DDX18: variants seen among roughly 807,000 people sequenced by gnomAD.
DDX18 encodes DEAD-box helicase 18.
A neutral mutation model predicts 73.5 loss-of-function variants in DDX18; 23 were observed. The observed-to-expected ratio is 0.31, with a 90% CI of 0.23 to 0.44. DDX18 has a LOEUF of 0.44. Among genes scored for constraint, DDX18 ranks in the 20% least tolerant of loss-of-function variants. DDX18 has a pLI of 1.00. For synonymous variants in DDX18, 268 were observed against 282.7 expected (o/e 0.95, Z 0.52); for missense variants, 753 against 792.9 (o/e 0.95, Z 0.60).
rs1680027203 is a variant in DDX18 at position 117,831,640 on chromosome 2, T to G, written c.*916T>G. 1 of 152,208 alleles carries G rather than the reference T, an allele frequency of 6.6e-6. No homozygotes were observed. The highest frequency in any genetic ancestry group is 1.5e-5 in the Non-Finnish European group (1 of 68,038). The allele number at this position is 152,208 out of a possible 1,614,324, so 9.4% of individuals were successfully genotyped here. A position where few individuals can be genotyped will look rare whatever the true frequency, so the allele number is the denominator to read the frequency against. Reference sequence around the variant, plus strand: ...AACTTACTTGGAGTTAGAGCCAAGCTGTCAGACGGTGCCCAGCACACATTA... The same window carrying G: ...AACTTACTTGGAGTTAGAGCCAAGCGGTCAGACGGTGCCCAGCACACATTA... On this transcript the variant is annotated 3_prime_UTR_variant, in exon 14 of 14. Coordinates refer to ENST00000263239, the MANE Select transcript of DDX18 (RefSeq NM_006773.4).
At chr2:117,830,219 G>A (rs956698957) in intron 13 of DDX18, among the ~76,000 whole-genome samples, 2 of 152,158 alleles carry the variant, frequency 1.3e-5, no homozygotes, top group Admixed American at 6.5e-5. Flanking sequence ...AATCAATTCC[G>A]AAGAGAAATG....
chr2:117,830,670 A>G lies in DDX18; in HGVS notation c.1959A>G (p.Lys653=). 1.2e-6 allele frequency: 2 copies of G among 1,613,842 alleles called. No homozygotes were observed. Among genetic ancestry groups the G allele is most frequent in the Middle Eastern group, 1.7e-4 (1 of 6,056 alleles). ...YQKTKKVEKS[K]IFKHISKKSS... is the part of the protein sequence containing the mutation. ...AAACCAAGAAAGTTGAGAAATCCAA[A>G]ATCTTTAAACACATTAGCAAGAAAT... The change falls in exon 14 of 14, where the codon AAA becomes AAG. Residue 653 remains lysine (K), a synonymous_variant. Transcript: ENST00000263239.
chr2:117,825,597 A>C lies in DDX18; in HGVS notation c.1519A>C (p.Lys507Gln). 6.2e-7 allele frequency: 1 copy of C among 1,612,158 alleles called. No individual in the cohort carries two copies. Among genetic ancestry groups the C allele is most frequent in the Non-Finnish European group, 8.5e-7 (1 of 1,179,256 alleles). Reference sequence around the variant, plus strand: ...TCAGTATGACCCTCCGGATGACCCTAAGGTAACTGGCATCTTTGGAATATC... The same window carrying C: ...TCAGTATGACCCTCCGGATGACCCTCAGGTAACTGGCATCTTTGGAATATC... ...IVQYDPPDDP[K>Q]EYIHRVGRTA... The change falls in exon 10 of 14, where the codon AAG (lysine) becomes CAG (glutamine). Residue 507 changes from lysine to glutamine, a missense_variant and splice_region_variant. Physicochemically the swap from Lys to Gln is moderately conservative, Grantham distance 53. This residue lies in a region of DDX18 where 402 missense variants were observed against 419.4 expected (regional missense o/e 0.96). Coordinates refer to ENST00000263239, the MANE Select transcript of DDX18 (RefSeq NM_006773.4).
intron 7 of DDX18, 73 bp downstream of exon 7, chr2:117,822,334 A>G: frequency 2.5e-6 from 3 of 1,209,752 alleles, no homozygotes; most frequent in Non-Finnish European, 3.6e-6. Flanking sequence ...CCTATAGAAA[A>G]ACTGTACTAA....
Position 117,817,659 on chromosome 2 carries a change from C to G in DDX18, c.301C>G (p.Gln101Glu). 1 of 1,612,432 alleles carries G rather than the reference C, an allele frequency of 6.2e-7. No individual in the cohort carries two copies. The highest frequency in any genetic ancestry group is 8.5e-7 in the Non-Finnish European group (1 of 1,179,558). Residue 101 changes from glutamine (Q) to glutamate (E), a missense_variant, in exon 2 of 14, where the codon CAG (glutamine) becomes GAG (glutamate). Coordinates refer to ENST00000263239, the MANE Select transcript of DDX18 (RefSeq NM_006773.4). ...TVLTNGEAAM[Q>E]SSNSESKKKK... ...ATTAACCAATGGAGAAGCAGCAATGCAGTCTTCCAATTCAGAATCAAAAAA... is the reference window on the plus strand; with the variant it reads ...ATTAACCAATGGAGAAGCAGCAATGGAGTCTTCCAATTCAGAATCAAAAAA...
At position 117,814,755 on chromosome 2, in the gene DDX18, A is replaced by T. The variant is rs965220391; in HGVS notation, c.-23A>T. On this transcript the variant is annotated 5_prime_UTR_variant, in exon 1 of 14. Transcript: ENST00000263239. ...GAGTAGCTGTACTGTGTGGCGCCTT[A>T]TTCTAGGCACTTGTTGGGCAGAATG... 1.2e-6 allele frequency: 2 copies of T among 1,613,362 alleles called. No homozygotes were observed. The highest frequency in any genetic ancestry group is 3.3e-5 in the Admixed American group (2 of 60,002).
Position 117,824,956 on chromosome 2 carries a change from C to T in DDX18, c.1223C>T (p.Pro408Leu), listed in dbSNP as rs747252412. 4.3e-5 allele frequency: 70 copies of T among 1,609,442 alleles called. No homozygotes were observed. The highest frequency in any genetic ancestry group is 5.1e-5 in the Admixed American group (3 of 58,748). ...GCTTTCTAGGGATATGTTGTTTGTC[C>T]TTCTGAAAAGAGATTCCTTCTGCTC... The part of the protein sequence containing the change: ...DGLEQGYVVC[P>L]SEKRFLLLFT... The change falls in exon 9 of 14, where the codon CCT becomes CTT. Residue 408 changes from proline to leucine, a missense_variant. Physicochemically the swap from Pro to Leu is moderately conservative, Grantham distance 98 (BLOSUM62 -3). Transcript: ENST00000263239.
At chr2:117,815,468 C>T (rs1426524648) in intron 1 of DDX18, among the ~76,000 whole-genome samples, 1 of 152,128 alleles carries the variant, frequency 6.6e-6, no homozygotes, top group Non-Finnish European at 1.5e-5. Flanking sequence ...CATTTGCAGT[C>T]CCAGTGTCCT....
At chr2:117,830,496 T>C in intron 13 of DDX18, 86 bp from the exon 14 acceptor site, 1 of 1,440,594 alleles carries the variant, frequency 6.9e-7, no homozygotes, top group South Asian at 1.4e-5. Context: ...GGAACAGTAG[T>C]GTTCATGCCG....
chr2:117,819,158 T>A (rs1679805212), intron 2 of DDX18, among the ~76,000 whole-genome samples: 1 of 152,132 alleles, frequency 6.6e-6, no homozygotes. Flanking sequence ...AATGTAGAAA[T>A]GAGGGTGGGA....
chr2:117,815,072 C>G, intron 1 of DDX18: 1 of 587,310 alleles, frequency 1.7e-6, no homozygotes, highest in Non-Finnish European at 3.0e-6. Context: ...CCTTTCTGAG[C>G]AATCAGTGTC....
rs1196301273 is a variant in DDX18 at position 117,814,816 on chromosome 2, C to A, written c.39C>A (p.Ile13=). The A allele has an allele frequency of 1.9e-6, 3 of 1,614,216 alleles. No individual in the cohort carries two copies. The highest frequency in any genetic ancestry group is 4.5e-5 in the East Asian group (2 of 44,890). ...CGATGAAACTCCTGCGTAAGAAGATCGAGAAGCGGAACCTCAAATTGCGGC... is the reference window on the plus strand; with the variant it reads ...CGATGAAACTCCTGCGTAAGAAGATAGAGAAGCGGAACCTCAAATTGCGGC... ...HLPMKLLRKK[I]EKRNLKLRQR... is the part of the protein sequence containing the mutation. Residue 13 remains isoleucine (I), a synonymous_variant, in exon 1 of 14, where the codon ATC becomes ATA. Transcript: ENST00000263239.
intron 1 of DDX18, 106 bp from the exon 2 acceptor site, chr2:117,817,338 A>G: frequency 9.3e-7 from 1 of 1,080,638 alleles, no homozygotes; most frequent in Non-Finnish European, 1.3e-6. Context: ...AAGAAAATCT[A>G]AATAATTTGT....
intron 8 of DDX18, 80 bp from the exon 9 acceptor site, chr2:117,824,860 T>C: frequency 2.6e-6 from 4 of 1,511,094 alleles, no homozygotes; most frequent in Non-Finnish European, 3.6e-6. Context: ...TTATCAGTGC[T>C]CTTGATGAAA....
At chr2:117,823,121 A>G (rs745543614) in intron 7 of DDX18, among the ~76,000 whole-genome samples, 1 of 152,194 alleles carries the variant, frequency 6.6e-6, no homozygotes, top group Non-Finnish European at 1.5e-5. Context: ...AGGTAATGTT[A>G]GCCCCAAGTT....
In DDX18 at chr2:117,825,587, G is replaced by A. The variant is rs756159433; in HGVS notation, c.1509G>A (p.Pro503=). Residue 503 remains proline (P), a synonymous_variant, in exon 10 of 14, where the codon CCG becomes CCA. Coordinates refer to ENST00000263239, the MANE Select transcript of DDX18 (RefSeq NM_006773.4). ...EVDWIVQYDP[P]DDPKEYIHRV... ...ACTGGATTGTTCAGTATGACCCTCC[G>A]GATGACCCTAAGGTAACTGGCATCT... 3.1e-6 allele frequency: 5 copies of A among 1,613,860 alleles called. No individual in the cohort carries two copies. The highest frequency in any genetic ancestry group is 1.7e-6 in the Non-Finnish European group (2 of 1,179,884).
Position 117,829,419 on chromosome 2 carries a change from A to G in DDX18, c.1823A>G (p.Gln608Arg), listed in dbSNP as rs762177632. Reference protein sequence around the residue: ...IFNVNNLNLPQVALSFGFKVP... With the variant: ...IFNVNNLNLPRVALSFGFKVP... ...AATGTTAATAACCTAAATTTGCCTC[A>G]GGTTGCTCTGTCATTTGGTTTCAAG... Residue 608 changes from glutamine (Q) to arginine (R), a missense_variant, in exon 13 of 14, where the codon CAG (glutamine) becomes CGG (arginine). Gln to Arg is a conservative substitution (Grantham distance 43). Around this residue, in one of 3 missense-constraint regions of DDX18, gnomAD observed 402 missense variants for 419.4 expected, o/e 0.96. Transcript: ENST00000263239. 1.9e-6 allele frequency: 3 copies of G among 1,613,818 alleles called. No individual in the cohort carries two copies. The highest frequency in any genetic ancestry group is 2.5e-6 in the Non-Finnish European group (3 of 1,179,940).
chr2:117,817,561 C>T lies in DDX18; in HGVS notation c.203C>T (p.Thr68Ile), dbSNP rs1679780326. The change falls in exon 2 of 14, where the codon ACT becomes ATT. Residue 68 changes from threonine to isoleucine, a missense_variant. Physicochemically the swap from Thr to Ile is moderately conservative, Grantham distance 89. Around this residue, in one of 3 missense-constraint regions of DDX18, gnomAD observed 345 missense variants for 352.0 expected, o/e 0.98. Coordinates refer to ENST00000263239, the MANE Select transcript of DDX18 (RefSeq NM_006773.4). ...CCCATGAATGTGGGCTTATCAGAAA[C>T]TCAAAATGGAGGCATGTCTCAAGAA... Reference protein sequence around the residue: ...QKPMNVGLSETQNGGMSQEAV... With the variant: ...QKPMNVGLSEIQNGGMSQEAV... 3 of 1,613,914 alleles carry T rather than the reference C, an allele frequency of 1.9e-6. No individual in the cohort carries two copies. Among genetic ancestry groups the T allele is most frequent in the Non-Finnish European group, 2.5e-6 (3 of 1,179,938 alleles).
intron 10 of DDX18, 102 bp from the exon 11 acceptor site, chr2:117,826,167 A>C: frequency 3.2e-6 from 3 of 937,436 alleles, no homozygotes; most frequent in Non-Finnish European, 4.9e-6. Context: ...CCGTGGGACT[A>C]CACCATCTCA....
Sources: gnomAD v4.1 joint callset for allele counts (sites outside exome capture counted in the v4.1 genomes callset) on GRCh38, gnomAD v4.1.1 for gene constraint, gnomAD v4.1.1 regional missense constraint, MANE v1.5 for transcripts, NCBI Gene and HGNC (gene_info 2026-07-23, HGNC 2026-07-21) for gene names.